The following CDH20 variants were observed in gnomAD, a reference collection of about 807,000 sequenced individuals.
CDH20 encodes the protein cadherin-20.
A neutral mutation model predicts 74.2 loss-of-function variants in CDH20; 29 were observed. The ratio of observed to expected loss-of-function variants is 0.39; its 90% CI spans 0.29 to 0.53. CDH20 has a LOEUF of 0.53. Ranked by LOEUF, CDH20 falls within the 20% of genes least tolerant of loss-of-function variation. The pLI is 0.69. For missense variants in CDH20, 988 were observed against 1,048.3 expected, an observed-to-expected ratio of 0.94 and a Z score of 0.79; for synonymous variants, 469 against 405.4, an observed-to-expected ratio of 1.16 and a Z score of -1.88.
At chr18:61,541,698 T>C (rs1238581851) in intron 9 of CDH20, among the ~76,000 whole-genome samples, 1 of 152,182 alleles carries the variant, frequency 6.6e-6, no homozygotes, top group Non-Finnish European at 1.5e-5. Context: ...GAGATACATC[T>C]GGTTTATAAA....
intron 1 of CDH20, among the ~76,000 whole-genome samples, chr18:61,432,969 A>G (rs1272661369): frequency 6.6e-6 from 1 of 152,202 alleles, no homozygotes; most frequent in Admixed American, 6.5e-5. Flanking sequence ...CATACACCAC[A>G]TACAGATAGC....
At chr18:61,492,892 G>A (rs1911010257) in intron 2 of CDH20, among the ~76,000 whole-genome samples, 1 of 152,214 alleles carries the variant, frequency 6.6e-6, no homozygotes, top group South Asian at 2.1e-4. Flanking sequence ...TATAGAAGGT[G>A]CTCAAGATGA....
At chr18:61,500,606 T>C (rs2144318369) in intron 4 of CDH20, 104 bp downstream of exon 4, 2 of 1,246,902 alleles carry the variant, frequency 1.6e-6, no homozygotes, top group South Asian at 1.8e-5. Flanking sequence ...CCAGGGAGTG[T>C]ATTAACCAGA....
chr18:61,477,929 G>A (rs977863504), intron 1 of CDH20, among the ~76,000 whole-genome samples: 4 of 151,910 alleles, frequency 2.6e-5, no homozygotes, highest in Admixed American at 6.6e-5. Context: ...GGCCAGGCAC[G>A]GTGGCTCACT....
At chr18:61,443,844 A>G (rs1909109431) in intron 1 of CDH20, among the ~76,000 whole-genome samples, 1 of 152,126 alleles carries the variant, frequency 6.6e-6, no homozygotes, top group Non-Finnish European at 1.5e-5. Context: ...ATGGCCCAAC[A>G]GACCATGTTG....
chr18:61,430,346 A>T (rs1913213976), intron 1 of CDH20, among the ~76,000 whole-genome samples: 1 of 152,180 alleles, frequency 6.6e-6, no homozygotes. Flanking sequence ...GGAGAAGACC[A>T]CAGAGGTAAA....
At chr18:61,474,861 G>T (rs1285350864) in intron 1 of CDH20, among the ~76,000 whole-genome samples, 4 of 152,142 alleles carry the variant, frequency 2.6e-5, no homozygotes, top group Non-Finnish European at 5.9e-5. Context: ...GCTTAGCAAG[G>T]AAGGGCCGGG....
Position 61,554,232 on chromosome 18 carries a change from A to T in CDH20, c.1943A>T (p.Gln648Leu). The T allele has an allele frequency of 6.2e-7, 1 of 1,613,816 alleles. No individual in the cohort carries two copies. Among genetic ancestry groups the T allele is most frequent in the African/African-American group, 1.3e-5 (1 of 75,044 alleles). ...TTGTCCATGAGGCGGCACCGGAAAC[A>T]ACCATACATCATCGACGACGAGGAA... ...LILSMRRHRKQPYIIDDEENI... is the reference protein window; with the variant it reads ...LILSMRRHRKLPYIIDDEENI... The change falls in exon 12 of 12, where the codon CAA becomes CTA. Residue 648 changes from glutamine (Q) to leucine (L), a missense_variant. Transcript: ENST00000262717.
intron 1 of CDH20, chr18:61,404,991 T>G (rs1185123392): frequency 1.4e-6 from 1 of 710,330 alleles, no homozygotes; most frequent in African/African-American, 1.8e-5. Context: ...ACTGTAGTGA[T>G]GGACACCAGT....
intron 6 of CDH20, among the ~76,000 whole-genome samples, chr18:61,515,293 C>T (rs1400040416): frequency 2.6e-5 from 4 of 152,178 alleles, no homozygotes; most frequent in Non-Finnish European, 5.9e-5. Context: ...CTTTCTTTGA[C>T]TCGGAAAGGG....
chr18:61,456,923 C>T (rs906561918), intron 1 of CDH20, among the ~76,000 whole-genome samples: 2 of 152,066 alleles, frequency 1.3e-5, no homozygotes, highest in Non-Finnish European at 2.9e-5. Context: ...TTCATTAGGC[C>T]ACTAATCTCA....
chr18:61,464,625 A>G (rs1477564988), intron 1 of CDH20, among the ~76,000 whole-genome samples: 1 of 152,310 alleles, frequency 6.6e-6, no homozygotes, highest in African/African-American at 2.4e-5. Context: ...AGGAGCTGAC[A>G]GTTCCCTGCC....
intron 1 of CDH20, among the ~76,000 whole-genome samples, chr18:61,366,284 A>G (rs1274248690): frequency 6.6e-6 from 1 of 152,172 alleles, no homozygotes; most frequent in Admixed American, 6.5e-5. Flanking sequence ...TAGTGTGGAC[A>G]GTATTTGTGG....
intron 7 of CDH20, among the ~76,000 whole-genome samples, chr18:61,532,978 T>G (rs945657566): frequency 2.6e-5 from 4 of 152,210 alleles, no homozygotes; most frequent in African/African-American, 7.2e-5. Context: ...ATTACCTGTG[T>G]AATTGCATAA....
chr18:61,547,726 C>T lies in CDH20; in HGVS notation c.1649-2252C>T, dbSNP rs550920535. On this transcript the variant is annotated intron_variant, in intron 10 of 11. Coordinates refer to ENST00000262717, the MANE Select transcript of CDH20 (RefSeq NM_031891.4). ...TTACCATGCCCCCCCACTACACCCC[C>T]GCCCCACACACACAGTGTTCTGTGT... 7.5e-4 allele frequency among the ~76,000 whole-genome samples: 114 copies of T among 151,328 alleles called. 1 individual carries two copies. Among genetic ancestry groups the T allele is most frequent in the Non-Finnish European group, 5.2e-4 (35 of 67,854 alleles).
intron 10 of CDH20, among the ~76,000 whole-genome samples, chr18:61,549,643 G>A (rs1913364745): frequency 6.6e-6 from 1 of 152,144 alleles, no homozygotes. Flanking sequence ...ACCAGTGATT[G>A]TTCTTTTCTG....
rs75509541 is a variant in CDH20 at position 61,516,671 on chromosome 18, T to C, written c.1017+9111T>C. 5.0e-3 allele frequency among the ~76,000 whole-genome samples: 759 copies of C among 152,228 alleles called. 8 individuals carry two copies. Among genetic ancestry groups the C allele is most frequent in the African/African-American group, 0.017 (710 of 41,558 alleles). On this transcript the variant is annotated intron_variant, in intron 6 of 11. Transcript: ENST00000262717. Reference sequence around the variant, plus strand: ...ACAGAAATAAATAATTATTTGATATTTAAAATAAAAAGGACACAAACTATT... The same window carrying C: ...ACAGAAATAAATAATTATTTGATATCTAAAATAAAAAGGACACAAACTATT...
At chr18:61,468,624 T>C (rs1369051161) in intron 1 of CDH20, among the ~76,000 whole-genome samples, 1 of 152,208 alleles carries the variant, frequency 6.6e-6, no homozygotes, top group Non-Finnish European at 1.5e-5. Context: ...GTCACTACAG[T>C]GCAACTGGCT....
At chr18:61,493,266 G>A (rs1020174157) in intron 2 of CDH20, among the ~76,000 whole-genome samples, 3 of 151,910 alleles carry the variant, frequency 2.0e-5, no homozygotes, top group Admixed American at 2.0e-4. Flanking sequence ...CTCTAGGCTC[G>A]GTCATGACCA....
Sources: gnomAD v4.1 joint callset for allele counts (sites outside exome capture counted in the v4.1 genomes callset) on GRCh38, gnomAD v4.1.1 for gene constraint, MANE v1.5 for transcripts, NCBI Gene and HGNC (gene_info 2026-07-23, HGNC 2026-07-21) for gene names.